Variants in ALG14 observed in about 807,000 individuals in gnomAD.
The protein encoded by ALG14 is ALG14 UDP-N-acetylglucosaminyltransferase subunit.
ALG14 carries 17 observed loss-of-function variants against 22.8 expected under a neutral mutation model. The observed-to-expected ratio is 0.75, with a 90% confidence interval of 0.51 to 1.12. ALG14 has a LOEUF of 1.12. Ranked by LOEUF, ALG14 falls within the 50% of genes most tolerant of loss-of-function variation. ALG14 has a pLI of 0.00. For synonymous variants in ALG14, 89 were observed against 103.7 expected, an observed-to-expected ratio of 0.86 and a Z score of 0.86; for missense variants, 288 against 271.8, an observed-to-expected ratio of 1.06 and a Z score of -0.42.
chr1:95,052,733 C>T (rs1405994521), intron 2 of ALG14, among the ~76,000 whole-genome samples: 1 of 151,868 alleles, frequency 6.6e-6, no homozygotes, highest in African/African-American at 2.4e-5. Context: ...TGGCACGTGC[C>T]TGTAATCTCA....
At chr1:94,990,404 C>T (rs1301950428) in intron 3 of ALG14, among the ~76,000 whole-genome samples, 4 of 152,192 alleles carry the variant, frequency 2.6e-5, no homozygotes, top group South Asian at 2.1e-4. Context: ...AACAGTTAAA[C>T]AGAAACATCA....
chr1:95,038,859 C>T lies in ALG14; in HGVS notation c.289-11599G>A, dbSNP rs555687482. On this transcript the variant is annotated intron_variant, in intron 2 of 3. Coordinates refer to ENST00000370205, the MANE Select transcript of ALG14 (RefSeq NM_144988.4). Reference sequence around the variant, plus strand: ...TTGGCCTTCTGGGTAGCCAGGACTACAGGCATGCCCCATCACATCTTGCTG... The same window carrying T: ...TTGGCCTTCTGGGTAGCCAGGACTATAGGCATGCCCCATCACATCTTGCTG... Among the ~76,000 whole-genome samples the T allele has an allele frequency of 1.1e-4, 16 of 152,070 alleles. No individual in the cohort carries two copies. In the East Asian group the frequency reaches 3.1e-3, roughly 30 times the overall value.
At chr1:94,987,120 A>T (rs1672664815) in intron 3 of ALG14, among the ~76,000 whole-genome samples, 1 of 152,178 alleles carries the variant, frequency 6.6e-6, no homozygotes, top group Non-Finnish European at 1.5e-5. Flanking sequence ...TTGAGAATGA[A>T]GCCATCACAA....
At chr1:95,052,819 T>C (rs910335403) in intron 2 of ALG14, among the ~76,000 whole-genome samples, 2 of 145,630 alleles carry the variant, frequency 1.4e-5, no homozygotes, top group Non-Finnish European at 3.0e-5. Context: ...ATCGCACCAC[T>C]GCACTCCTGC....
chr1:95,035,986 T>C (rs973518210), intron 2 of ALG14: 1 of 152,244 alleles, frequency 6.6e-6, no homozygotes, highest in Non-Finnish European at 1.5e-5. Context: ...TATTTTTAAA[T>C]GTATGTTGGA....
At chr1:95,055,009 C>T (rs559178256) in intron 2 of ALG14, among the ~76,000 whole-genome samples, 4 of 152,300 alleles carry the variant, frequency 2.6e-5, no homozygotes, top group South Asian at 2.1e-4. Flanking sequence ...GTTCATACCA[C>T]GTACTTGGCC....
intron 3 of ALG14, among the ~76,000 whole-genome samples, chr1:95,008,923 T>C (rs1483959922): frequency 6.6e-6 from 1 of 152,174 alleles, no homozygotes; most frequent in Admixed American, 6.6e-5. Context: ...CAGACAGTAT[T>C]AGTCCTTTTG....
In ALG14 at chr1:94,976,326, T is replaced by G. The variant is rs1672396703; in HGVS notation, c.*6750A>C. 6.6e-6 allele frequency: 1 copy of G among 152,070 alleles called. No individual in the cohort carries two copies. The highest frequency in any genetic ancestry group is 2.1e-4 in the South Asian group (1 of 4,830). The allele number at this position is 152,070 out of a possible 1,614,324, so 9.4% of individuals were successfully genotyped here. A position where few individuals can be genotyped will look rare whatever the true frequency, so the allele number is the denominator to read the frequency against. On this transcript the variant is annotated 3_prime_UTR_variant, in exon 4 of 4. Transcript: ENST00000370205. ...TAAGGTAGGAGTTTGGTGGCCCAAG[T>G]GAAAGGTTATTATTATTATTTTTTC...
Position 94,983,092 on chromosome 1 carries a change from A to G in ALG14, c.635T>C (p.Leu212Pro), listed in dbSNP as rs1360237652. 1.9e-6 allele frequency: 3 copies of G among 1,614,164 alleles called. No individual in the cohort carries two copies. The highest frequency in any genetic ancestry group is 2.5e-6 in the Non-Finnish European group (3 of 1,180,010). Residue 212 changes from leucine to proline, a missense_variant, in exon 4 of 4, where the codon CTT becomes CCT. Physicochemically the swap from Leu to Pro is moderately conservative, Grantham distance 98 (BLOSUM62 -3). Transcript: ENST00000370205. ...TGCCATTTGTCAAACAATTCGCCCA[A>G]GGTACACCGATTTGGGATACTTTTC... ...LKEKYPKSVY[L>P]GRIV
At chr1:95,002,970 G>A (rs1210775494) in intron 3 of ALG14, among the ~76,000 whole-genome samples, 1 of 152,190 alleles carries the variant, frequency 6.6e-6, no homozygotes, top group Non-Finnish European at 1.5e-5. Flanking sequence ...TGCACCCACT[G>A]CAGATGAAAG....
At position 94,982,157 on chromosome 1, in the gene ALG14, T is replaced by C. The variant is rs1405841608; in HGVS notation, c.*919A>G. ...TTTTTTTGAGACGAAGTTTCACTCT[T>C]GTCACCCAGGCTGGATGGAGTGCAA... On this transcript the variant is annotated 3_prime_UTR_variant, in exon 4 of 4. Coordinates refer to ENST00000370205, the MANE Select transcript of ALG14 (RefSeq NM_144988.4). 1.3e-5 allele frequency: 2 copies of C among 150,940 alleles called. No homozygotes were observed. The highest frequency in any genetic ancestry group is 4.2e-4 in the South Asian group (2 of 4,726). The allele number at this position is 150,940 out of a possible 1,614,324, so 9.4% of individuals were successfully genotyped here.
rs78570534 is a variant in ALG14 at position 95,021,767 on chromosome 1, G to A, written c.420+5362C>T. Among the ~76,000 whole-genome samples, 1,198 of 152,184 alleles carry A rather than the reference G, an allele frequency of 7.9e-3. 20 individuals carry two copies. Among genetic ancestry groups the A allele is most frequent in the African/African-American group, 0.028 (1,144 of 41,510 alleles). On this transcript the variant is annotated intron_variant, in intron 3 of 3. Transcript: ENST00000370205. Reference sequence around the variant, plus strand: ...CCCATTACCCTCATCTATAAGGCCAGGTCTCTGGAGCTCACTGCCTGTGAC... The same window carrying A: ...CCCATTACCCTCATCTATAAGGCCAAGTCTCTGGAGCTCACTGCCTGTGAC...
rs755340291 is a variant in ALG14 at position 95,072,745 on chromosome 1, C to A, written c.136+18G>T. 1.1e-5 allele frequency: 17 copies of A among 1,613,112 alleles called. No homozygotes were observed. Among genetic ancestry groups the A allele is most frequent in the Non-Finnish European group, 1.4e-5 (17 of 1,179,646 alleles). ...TAGTGACCAACCCAAGTCCGACAGT[C>A]GCCTCCTCGATACTTACCGGACCCA... On this transcript the variant is annotated intron_variant, in intron 1 of 3. Transcript: ENST00000370205.
At chr1:95,042,317 C>T (rs1674405296) in intron 2 of ALG14, among the ~76,000 whole-genome samples, 1 of 152,212 alleles carries the variant, frequency 6.6e-6, no homozygotes, top group Middle Eastern at 3.4e-3. Context: ...CACACACACA[C>T]ACACACACAC....
Position 95,011,847 on chromosome 1 carries a change from CTAAG to C in ALG14, c.420+15278_420+15281del, listed in dbSNP as rs755519097. Reference sequence around the variant, plus strand: ...ATTAGAATCTAAAAACTATATGTGACTAAGTGTTTTAATTTGTATTTTTAATGAC... The same window carrying C: ...ATTAGAATCTAAAAACTATATGTGACTGTTTTAATTTGTATTTTTAATGAC... On this transcript the variant is annotated intron_variant, in intron 3 of 3. Coordinates refer to ENST00000370205, the MANE Select transcript of ALG14 (RefSeq NM_144988.4). 2.2e-3 allele frequency among the ~76,000 whole-genome samples: 338 copies of C among 152,296 alleles called. 1 individual carries two copies. The highest frequency in any genetic ancestry group is 3.9e-3 in the Non-Finnish European group (265 of 68,026).
At position 94,997,323 on chromosome 1, in the gene ALG14, G is replaced by T. The variant is rs142195122; in HGVS notation, c.421-14017C>A. Among the ~76,000 whole-genome samples the T allele has an allele frequency of 3.3e-5, 5 of 152,308 alleles. No individual in the cohort carries two copies. In the East Asian group the frequency reaches 9.6e-4, roughly 29 times the overall value. The stretch of plus-strand genomic sequence containing the variant: ...CAGAGTAGTCTTAAAGGCAGGGGCA[G>T]CAAGTTTTAATCCAGCAGTTGATCT... On this transcript the variant is annotated intron_variant, in intron 3 of 3. Coordinates refer to ENST00000370205, the MANE Select transcript of ALG14 (RefSeq NM_144988.4).
chr1:95,051,564 C>T (rs1016494200), intron 2 of ALG14, among the ~76,000 whole-genome samples: 7 of 152,194 alleles, frequency 4.6e-5, no homozygotes, highest in African/African-American at 1.4e-4. Context: ...ATTTCACTCA[C>T]TGGAAAAAGC....
At chr1:94,988,036 C>G (rs1314960204) in intron 3 of ALG14, among the ~76,000 whole-genome samples, 1 of 152,180 alleles carries the variant, frequency 6.6e-6, no homozygotes, top group East Asian at 1.9e-4. Context: ...CTTTATTGAG[C>G]TCCTGGGGCC....
rs541991399 is a variant in ALG14, at chr1:95,059,415, A to C, written c.288+5451T>G. Among the ~76,000 whole-genome samples the C allele has an allele frequency of 7.5e-3, 1,098 of 146,182 alleles. 14 individuals carry two copies. Among genetic ancestry groups the C allele is most frequent in the African/African-American group, 0.024 (982 of 40,894 alleles). On this transcript the variant is annotated intron_variant, in intron 2 of 3. Coordinates refer to ENST00000370205, the MANE Select transcript of ALG14 (RefSeq NM_144988.4). ...TCTGTCTCAAAAAAAAAAAAAAAAA[A>C]AAAAACATATTATTCTTGTTTATTT...
Sources: gnomAD v4.1 joint callset for allele counts (sites outside exome capture counted in the v4.1 genomes callset) on GRCh38, gnomAD v4.1.1 for gene constraint, MANE v1.5 for transcripts, NCBI Gene and HGNC (gene_info 2026-07-23, HGNC 2026-07-21) for gene names.